MPDZ: variants seen among roughly 807,000 people sequenced by gnomAD.
MPDZ encodes the protein multiple PDZ domain crumbs cell polarity complex component, also known as multiple PDZ domain protein.
MPDZ carries 234 observed loss-of-function variants against 239.1 expected under a neutral mutation model. That is an observed-to-expected ratio of 0.98 (90% CI 0.88 to 1.09). The LOEUF is 1.09. Among genes scored for constraint, MPDZ ranks in the 50% least tolerant of loss-of-function variants. MPDZ has a pLI of 0.00. For missense variants in MPDZ, 3,175 were observed against 2,510.0 expected (o/e 1.26, Z -5.66); for synonymous variants, 1,048 against 881.3 (o/e 1.19, Z -3.35).
intron 10 of MPDZ, among the ~76,000 whole-genome samples, chr9:13,209,002 G>C (rs1196485546): frequency 6.6e-6 from 1 of 152,140 alleles, no homozygotes; most frequent in Admixed American, 6.6e-5. Context: ...CCAGCAACTT[G>C]GAGGAATTTC....
chr9:13,193,420 C>T, intron 13 of MPDZ, 107 bp from the exon 14 acceptor site: 1 of 1,240,864 alleles, frequency 8.1e-7, no homozygotes, highest in Non-Finnish European at 1.1e-6. Flanking sequence ...ATCTTTCTCA[C>T]AAAGCTTCAA....
intron 30 of MPDZ, 51 bp from the exon 31 acceptor site, chr9:13,136,233 T>C: frequency 1.6e-6 from 2 of 1,256,678 alleles, no homozygotes; most frequent in Middle Eastern, 1.9e-4. Context: ...ATTATTTTCA[T>C]TCTCTTACTT....
Position 13,133,824 on chromosome 9 carries a change from C to T in MPDZ, c.4464G>A (p.Lys1488=). Residue 1488 remains lysine (K), a splice_region_variant and synonymous_variant, in exon 32 of 47, where the codon AAG becomes AAA. Coordinates refer to ENST00000319217, the MANE Select transcript of MPDZ (RefSeq NM_001378778.1). ...FKNVQHLELP[K]DQGGLGIAIS... The stretch of plus-strand genomic sequence containing the variant: ...TCATTCCAATTCAAAGCAGATTTAC[C>T]TTGGGAAGCTCCAGATGTTGCACAT... 1 of 1,589,620 alleles carries T rather than the reference C, an allele frequency of 6.3e-7. No homozygotes were observed. The highest frequency in any genetic ancestry group is 8.6e-7 in the Non-Finnish European group (1 of 1,160,322).
intron 15 of MPDZ, among the ~76,000 whole-genome samples, chr9:13,190,661 T>C (rs771631445): frequency 1.5e-4 from 23 of 152,112 alleles, no homozygotes; most frequent in Non-Finnish European, 2.2e-4. Flanking sequence ...ATAAAAGGAA[T>C]TCTTATGATA....
chr9:13,202,929 A>G (rs1245199064), intron 12 of MPDZ, among the ~76,000 whole-genome samples: 1 of 152,118 alleles, frequency 6.6e-6, no homozygotes, highest in African/African-American at 2.4e-5. Context: ...AGGAAGAAGG[A>G]TGTGGGAGGC....
intron 27 of MPDZ, 36 bp from the exon 28 acceptor site, chr9:13,140,185 G>C: frequency 1.3e-6 from 2 of 1,571,144 alleles, no homozygotes; most frequent in South Asian, 1.2e-5. Context: ...GGTTTGTACA[G>C]TCTAAGGAAG....
At chr9:13,156,752 T>C (rs921855782) in intron 24 of MPDZ, among the ~76,000 whole-genome samples, 3 of 152,208 alleles carry the variant, frequency 2.0e-5, no homozygotes, top group African/African-American at 7.2e-5. Flanking sequence ...TTCCTGTGAT[T>C]ACTGTCCTCC....
intron 7 of MPDZ, among the ~76,000 whole-genome samples, chr9:13,220,749 AT>A (rs1959003544): frequency 6.6e-6 from 1 of 152,106 alleles, no homozygotes; most frequent in East Asian, 1.9e-4. Context: ...CAACCACTTT[AT>A]TTTTTAAAAA....
At position 13,112,127 on chromosome 9, in the gene MPDZ, C is replaced by T; in HGVS notation, c.5621G>A (p.Gly1874Glu). 1.2e-6 allele frequency: 2 copies of T among 1,612,756 alleles called. No individual in the cohort carries two copies. Among genetic ancestry groups the T allele is most frequent in the East Asian group, 2.2e-5 (1 of 44,836 alleles). ...EMKKGPTDSL[G>E]ISIAGGVGSP... ...GCCTACTCCTCCAGCGATGCTGATT[C>T]CCAGTGAGTCAGTAGGGCCCTGCCA... Residue 1874 changes from glycine to glutamate, a missense_variant, in exon 43 of 47, where the codon GGA becomes GAA. By Grantham distance (98) the Gly-to-Glu change is moderately conservative. Transcript: ENST00000319217.
At chr9:13,158,387 G>A (rs1269150677) in intron 23 of MPDZ, among the ~76,000 whole-genome samples, 1 of 152,118 alleles carries the variant, frequency 6.6e-6, no homozygotes, top group Non-Finnish European at 1.5e-5. Context: ...GAGCATAAAG[G>A]AAAGGAATGG....
intron 12 of MPDZ, 111 bp downstream of exon 12, chr9:13,204,925 T>A (rs1327325321): frequency 4.7e-6 from 3 of 644,010 alleles, no homozygotes; most frequent in East Asian, 7.1e-5. Context: ...CTTTTTGAAA[T>A]TTTTTTTAGT....
chr9:13,269,800 C>A (rs568038760), intron 1 of MPDZ, among the ~76,000 whole-genome samples: 2 of 152,242 alleles, frequency 1.3e-5, no homozygotes, highest in East Asian at 3.9e-4. Context: ...TAAGAAAATT[C>A]AGCAAGAAAT....
chr9:13,197,811 T>C (rs901840221), intron 12 of MPDZ, among the ~76,000 whole-genome samples: 2 of 151,758 alleles, frequency 1.3e-5, no homozygotes, highest in African/African-American at 4.8e-5. Flanking sequence ...AGAAATCAAC[T>C]TTTTAAGCGC....
chr9:13,258,403 T>C (rs1367566755), intron 1 of MPDZ, among the ~76,000 whole-genome samples: 2 of 152,234 alleles, frequency 1.3e-5, no homozygotes, highest in Non-Finnish European at 2.9e-5. Flanking sequence ...CTTGTTTCAA[T>C]GGCTTGCAGC....
intron 24 of MPDZ, among the ~76,000 whole-genome samples, chr9:13,157,632 AACACAC>A (rs60566356): frequency 1.3e-5 from 2 of 149,682 alleles, no homozygotes; most frequent in South Asian, 2.1e-4. Flanking sequence ...TTTACACACA[AACACAC>A]ACACACACAC....
chr9:13,123,334 T>C, intron 35 of MPDZ, 36 bp from the exon 36 acceptor site: 9 of 1,552,040 alleles, frequency 5.8e-6, no homozygotes, highest in Non-Finnish European at 7.9e-6. Flanking sequence ...CAAATAAAAA[T>C]TGGTTACTAA....
chr9:13,250,965 C>A (rs1013100780), intron 1 of MPDZ, among the ~76,000 whole-genome samples: 3 of 151,484 alleles, frequency 2.0e-5, no homozygotes. Context: ...CCCGTCTCTG[C>A]TACAAATACA....
At position 13,166,710 on chromosome 9, in the gene MPDZ, C is replaced by T. The variant is rs193003669; in HGVS notation, c.3254+1656G>A. On this transcript the variant is annotated intron_variant, in intron 22 of 46. Coordinates refer to ENST00000319217, the MANE Select transcript of MPDZ (RefSeq NM_001378778.1). Reference sequence around the variant, plus strand: ...ACTTATGAAGCTAGCTCTCTAGATACCCTTCATAGTCATAATAAAGCTTCT... The same window carrying T: ...ACTTATGAAGCTAGCTCTCTAGATATCCTTCATAGTCATAATAAAGCTTCT... Among the ~76,000 whole-genome samples the T allele has an allele frequency of 2.1e-3, 316 of 152,026 alleles. 1 individual carries two copies. The highest frequency in any genetic ancestry group is 6.8e-3 in the Middle Eastern group (2 of 294).
intron 13 of MPDZ, among the ~76,000 whole-genome samples, chr9:13,194,504 C>T (rs1279796620): frequency 6.6e-6 from 1 of 151,914 alleles, no homozygotes; most frequent in South Asian, 2.1e-4. Context: ...AATGAGAATA[C>T]AAGGACACAG....
Sources: allele counts gnomAD v4.1 joint callset (sites outside exome capture counted in the v4.1 genomes callset), GRCh38; gene constraint gnomAD v4.1.1; transcripts MANE v1.5; gene names NCBI Gene and HGNC (gene_info 2026-07-23, HGNC 2026-07-21).